PIP4P2: variants seen among roughly 807,000 people sequenced by gnomAD.
The protein encoded by PIP4P2 is type 2 phosphatidylinositol 4,5-bisphosphate 4-phosphatase.
A neutral mutation model predicts 33.3 loss-of-function variants in PIP4P2; 19 were observed. The observed-to-expected ratio is 0.57, with a 90% CI of 0.40 to 0.84. PIP4P2 has a LOEUF of 0.84. Among genes scored for constraint, PIP4P2 ranks in the 40% least tolerant of loss-of-function variants. The pLI is 0.00. For missense variants in PIP4P2, 270 were observed against 324.7 expected (o/e 0.83, Z 1.29); for synonymous variants, 110 against 111.9 (o/e 0.98, Z 0.11).
Position 91,021,289 on chromosome 8 carries a change from A to G in PIP4P2, c.222T>C (p.His74=), listed in dbSNP as rs961722279. ...CATTGCAAACTGTGCACTTAACCAC[A>G]TGCTGGTGAAGCTTGCCATCCAAAT... is the stretch of plus-strand genomic sequence containing the variant. ...LINLDGKLHQ[H]VVKCTVCNEA... Residue 74 remains histidine, a synonymous_variant, in exon 2 of 7, where the codon CAT becomes CAC. Transcript: ENST00000285419. The G allele has an allele frequency of 1.9e-6, 3 of 1,613,814 alleles. No individual in the cohort carries two copies. The highest frequency in any genetic ancestry group is 3.3e-5 in the Admixed American group (2 of 59,952).
chr8:91,020,999 C>T (rs1162026165), intron 2 of PIP4P2, among the ~76,000 whole-genome samples: 1 of 152,242 alleles, frequency 6.6e-6, no homozygotes, highest in East Asian at 1.9e-4. Context: ...AACTGCCATG[C>T]TCAGTCTAGT....
intron 1 of PIP4P2, among the ~76,000 whole-genome samples, chr8:91,024,748 G>C (rs917236591): frequency 1.3e-5 from 2 of 151,970 alleles, no homozygotes; most frequent in African/African-American, 4.8e-5. Flanking sequence ...CTAAACAATG[G>C]TCATTTTTCT....
intron 3 of PIP4P2, among the ~76,000 whole-genome samples, chr8:91,019,423 A>AAAAAAAAAAT (rs1811970520): frequency 1.6e-5 from 1 of 61,162 alleles, no homozygotes; most frequent in African/African-American, 3.8e-5. Flanking sequence ...AAAAAAAAAA[A>AAAAAAAAAAT]ATATATTACC....
rs1811796119 is a variant in PIP4P2 at position 91,008,947 on chromosome 8, T to C, written c.487-152A>G. The C allele has an allele frequency of 5.5e-6, 3 of 540,934 alleles. No individual in the cohort carries two copies. In the Admixed American group the frequency reaches 9.8e-5, roughly 18 times the overall value. The allele number at this position is 540,934 out of a possible 1,614,324, so 33.5% of individuals were successfully genotyped here. On this transcript the variant is annotated intron_variant, in intron 4 of 6. Transcript: ENST00000285419. ...CATGAGTTTTTCCCTCCAATACTTCTCTCCCTCTCTTAAAATACAATATGA... is the reference window on the plus strand; with the variant it reads ...CATGAGTTTTTCCCTCCAATACTTCCCTCCCTCTCTTAAAATACAATATGA...
At chr8:91,008,475 G>T (rs540762996) in intron 5 of PIP4P2, among the ~76,000 whole-genome samples, 6 of 152,110 alleles carry the variant, frequency 3.9e-5, no homozygotes, top group Non-Finnish European at 7.4e-5. Flanking sequence ...ATCCTAACCA[G>T]GTTACTGATA....
intron 5 of PIP4P2, among the ~76,000 whole-genome samples, chr8:91,006,237 C>A (rs1811761119): frequency 6.6e-6 from 1 of 152,162 alleles, no homozygotes; most frequent in Non-Finnish European, 1.5e-5. Context: ...CATGTGGTCA[C>A]AGTATTTGCA....
intron 3 of PIP4P2, among the ~76,000 whole-genome samples, chr8:91,019,395 CAAAAAAAAAAAAA>C (rs71510466): frequency 4.1e-4 from 8 of 19,706 alleles, no homozygotes; most frequent in Admixed American, 1.4e-3. Flanking sequence ...CCTGTCTCTA[CAAAAAAAAAAAAA>C]AAAAAAAAAA....
At chr8:91,040,472 G>T (rs1257539868) in intron 1 of PIP4P2, among the ~76,000 whole-genome samples, 172 bp downstream of exon 1, 1 of 151,164 alleles carries the variant, frequency 6.6e-6, no homozygotes, top group Non-Finnish European at 1.5e-5. Context: ...ACCCTGCGGA[G>T]AAGCTATCAG....
intron 1 of PIP4P2, among the ~76,000 whole-genome samples, chr8:91,030,764 G>C (rs1010010653): frequency 1.3e-5 from 2 of 152,090 alleles, no homozygotes; most frequent in African/African-American, 4.8e-5. Context: ...TCTTACAAAA[G>C]AGAGTATGAC....
chr8:91,032,674 G>A (rs941085655), intron 1 of PIP4P2, among the ~76,000 whole-genome samples: 1 of 151,320 alleles, frequency 6.6e-6, no homozygotes, highest in Non-Finnish European at 1.5e-5. Context: ...TCATCTACTT[G>A]GGAGGCTGAG....
At chr8:91,007,131 G>A (rs1389594746) in intron 5 of PIP4P2, among the ~76,000 whole-genome samples, 1 of 152,072 alleles carries the variant, frequency 6.6e-6, no homozygotes, top group African/African-American at 2.4e-5. Context: ...TACTTTGGAG[G>A]GGGGAGTATA....
At chr8:91,034,089 C>T (rs1410862208) in intron 1 of PIP4P2, among the ~76,000 whole-genome samples, 1 of 152,092 alleles carries the variant, frequency 6.6e-6, no homozygotes, top group Non-Finnish European at 1.5e-5. Flanking sequence ...TTCCTGGACG[C>T]TCATCTCAAA....
rs151038351 is a variant in PIP4P2, at chr8:91,027,497, A to G, written c.107-6093T>C. On this transcript the variant is annotated intron_variant, in intron 1 of 6. Transcript: ENST00000285419. Reference sequence around the variant, plus strand: ...AGGTCAAATCTCAACATGTTTCAGAAGGGCAAATACAAAGTCTAATTCAGT... The same window carrying G: ...AGGTCAAATCTCAACATGTTTCAGAGGGGCAAATACAAAGTCTAATTCAGT... Among the ~76,000 whole-genome samples the G allele has an allele frequency of 5.3e-3, 802 of 152,192 alleles. 7 individuals are homozygous for G. The highest frequency in any genetic ancestry group is 0.018 in the African/African-American group (749 of 41,424).
intron 1 of PIP4P2, among the ~76,000 whole-genome samples, chr8:91,032,347 C>T (rs77457488): frequency 0.024 from 3,630 of 152,226 alleles, 72 homozygotes; most frequent in Non-Finnish European, 0.034. Context: ...CCTTTGCACA[C>T]CCCCATTACC....
intron 5 of PIP4P2, among the ~76,000 whole-genome samples, chr8:91,005,699 A>G (rs938052653): frequency 1.3e-5 from 2 of 152,234 alleles, no homozygotes; most frequent in African/African-American, 4.8e-5. Flanking sequence ...GAATAAGCCC[A>G]CTATTGTTTA....
chr8:91,007,703 G>A (rs1286464621), intron 5 of PIP4P2, among the ~76,000 whole-genome samples: 3 of 152,192 alleles, frequency 2.0e-5, no homozygotes, highest in Non-Finnish European at 4.4e-5. Context: ...CTGCTTGTAA[G>A]GTTGGCCCTT....
chr8:91,031,151 G>T lies in PIP4P2; in HGVS notation c.106+9493C>A, dbSNP rs140635597. Among the ~76,000 whole-genome samples, 466 of 152,282 alleles carry T rather than the reference G, an allele frequency of 3.1e-3. 4 individuals carry two copies. Among genetic ancestry groups the T allele is most frequent in the African/African-American group, 0.011 (449 of 41,582 alleles). Reference sequence around the variant, plus strand: ...AAGGGATGGTAGCAAATCCAAATACGACTTTTGCTGAGCCTGGCAAGGTAT... The same window carrying T: ...AAGGGATGGTAGCAAATCCAAATACTACTTTTGCTGAGCCTGGCAAGGTAT... On this transcript the variant is annotated intron_variant, in intron 1 of 6. Transcript: ENST00000285419.
Position 91,040,702 on chromosome 8 carries a change from G to A in PIP4P2, c.48C>T (p.Ser16=), listed in dbSNP as rs774256514. 1 of 1,613,238 alleles carries A rather than the reference G, an allele frequency of 6.2e-7. No individual in the cohort carries two copies. The highest frequency in any genetic ancestry group is 2.2e-5 in the East Asian group (1 of 44,886). ...CGGTGGGAGTGACATTTCCGGAGTG[G>A]GATGCTGACAGCAGAGGCGAGCGTT... is the stretch of plus-strand genomic sequence containing the variant. ...VDERSPLLSA[S]HSGNVTPTAP... The change falls in exon 1 of 7, where the codon TCC becomes TCT. Residue 16 remains serine (S), a synonymous_variant. Coordinates refer to ENST00000285419, the MANE Select transcript of PIP4P2 (RefSeq NM_018710.3).
chr8:91,015,082 G>A (rs1039124208), intron 4 of PIP4P2, among the ~76,000 whole-genome samples: 3 of 152,020 alleles, frequency 2.0e-5, no homozygotes, highest in East Asian at 1.9e-4. Context: ...AAGACGGCAC[G>A]AATAAAAAGT....
Sources: allele counts gnomAD v4.1 joint callset (sites outside exome capture counted in the v4.1 genomes callset), GRCh38; gene constraint gnomAD v4.1.1; transcripts MANE v1.5; gene names NCBI Gene and HGNC (gene_info 2026-07-23, HGNC 2026-07-21).